Variants in MGAM2 observed in about 807,000 individuals in gnomAD.
MGAM2 encodes the protein maltase-glucoamylase 2 (putative).
Under a neutral mutation model 96.1 loss-of-function variants are expected in MGAM2, and 98 were observed. That is an observed-to-expected ratio of 1.02 (90% CI 0.87 to 1.21). The LOEUF (loss-of-function observed/expected upper bound fraction) is 1.21, where lower values mean the gene tolerates loss of function less well. Ranked by LOEUF, MGAM2 falls within the 50% of genes most tolerant of loss-of-function variation. The pLI is 0.00. For synonymous variants in MGAM2, 749 were observed against 414.8 expected (o/e 1.81, Z -9.79); for missense variants, 2,055 against 1,182.4 (o/e 1.74, Z -10.82).
At chr7:142,116,270 G>A (rs951116001) in intron 1 of MGAM2, among the ~76,000 whole-genome samples, 3 of 152,020 alleles carry the variant, frequency 2.0e-5, no homozygotes, top group Non-Finnish European at 4.4e-5. Flanking sequence ...AATGATCTTC[G>A]GGGTTACTGG....
At chr7:142,195,184 C>T (rs1462972869) in intron 37 of MGAM2, among the ~76,000 whole-genome samples, 2 of 151,892 alleles carry the variant, frequency 1.3e-5, no homozygotes, top group South Asian at 2.1e-4. Context: ...GACACACGTG[C>T]ACCACCCTGC....
chr7:142,211,270 A>G (rs1797575256), intron 46 of MGAM2, among the ~76,000 whole-genome samples: 1 of 152,244 alleles, frequency 6.6e-6, no homozygotes, highest in Non-Finnish European at 1.5e-5. Flanking sequence ...TCCAAAAACC[A>G]GAATGCCCCT....
intron 4 of MGAM2, among the ~76,000 whole-genome samples, 174 bp from the exon 5 acceptor site, chr7:142,131,343 CA>C (rs1475319502): frequency 2.0e-5 from 3 of 152,128 alleles, no homozygotes; most frequent in Non-Finnish European, 2.9e-5. Context: ...GAGGCAGAGG[CA>C]GGAGAATCAT....
chr7:142,168,735 A>G (rs1408930012), intron 26 of MGAM2, among the ~76,000 whole-genome samples: 1 of 151,892 alleles, frequency 6.6e-6, no homozygotes, highest in Non-Finnish European at 1.5e-5. Flanking sequence ...TGTATATTTT[A>G]AAAGGGAAAT....
In MGAM2 at chr7:142,196,266, C is replaced by A. The variant is rs1400308380; in HGVS notation, c.4459C>A (p.Gln1487Lys). The change falls in exon 38 of 48, where the codon CAG (glutamine) becomes AAG (lysine). Residue 1487 changes from glutamine (Q) to lysine (K), a missense_variant. Transcript: ENST00000477922. ...GGGAAACAACACAGCTGCATGGGAC[C>A]AGCTGGGGAAATCTATCATTGGTGT... The part of the protein sequence containing the change: ...RLGNNTAAWD[Q>K]LGKSIIGMME... 1.4e-5 allele frequency: 11 copies of A among 785,130 alleles called. No homozygotes were observed. Among genetic ancestry groups the A allele is most frequent in the Non-Finnish European group, 2.5e-5 (11 of 448,850 alleles). The allele number at this position is 785,130 out of a possible 1,614,324, so 48.6% of individuals were successfully genotyped here. A position where few individuals can be genotyped will look rare whatever the true frequency, so the allele number is the denominator to read the frequency against.
chr7:142,174,883 T>G (rs1294231068), intron 31 of MGAM2, among the ~76,000 whole-genome samples: 1 of 151,900 alleles, frequency 6.6e-6, no homozygotes, highest in Non-Finnish European at 1.5e-5. Context: ...GCTTGGCTAA[T>G]TTTTTAAATA....
Position 142,197,567 on chromosome 7 carries a change from C to T in MGAM2, c.4781+19C>T. 2 of 703,128 alleles carry T rather than the reference C, an allele frequency of 2.8e-6. No individual in the cohort carries two copies. Among genetic ancestry groups the T allele is most frequent in the East Asian group, 5.4e-5 (2 of 37,288 alleles). The allele number at this position is 703,128 out of a possible 1,614,324, so 43.6% of individuals were successfully genotyped here. ...TCCATGAGTGAGTACAGCCTCTTTC[C>T]CCAAGCATGTCTTGCAAATAATCCT... On this transcript the variant is annotated intron_variant, in intron 41 of 47. Transcript: ENST00000477922.
At position 142,136,697 on chromosome 7, in the gene MGAM2, T is replaced by C. The variant is rs886662987; in HGVS notation, c.847+57T>C. 6 of 619,200 alleles carry C rather than the reference T, an allele frequency of 9.7e-6. No homozygotes were observed. In the East Asian group the frequency reaches 1.7e-4, roughly 17 times the overall value. The allele number at this position is 619,200 out of a possible 1,614,324, so 38.4% of individuals were successfully genotyped here. On this transcript the variant is annotated intron_variant, in intron 8 of 47. Transcript: ENST00000477922. ...GGAATACGTTTTAGGATTCTGCTTT[T>C]ATAAAAAATTACTTTTATGGTGAGA...
At chr7:142,146,758 C>T (rs1282625907) in intron 14 of MGAM2, among the ~76,000 whole-genome samples, 3 of 150,654 alleles carry the variant, frequency 2.0e-5, no homozygotes, top group East Asian at 1.9e-4. Context: ...GATGTAGTCT[C>T]GCTCTGTCAC....
intron 1 of MGAM2, among the ~76,000 whole-genome samples, chr7:142,114,189 A>AGAAG (rs1817293765): frequency 1.5e-5 from 2 of 134,862 alleles, no homozygotes; most frequent in Admixed American, 7.6e-5. Flanking sequence ...AAAGAAAGAA[A>AGAAG]GAAAGAAAGA....
intron 31 of MGAM2, among the ~76,000 whole-genome samples, chr7:142,173,897 G>T (rs964406097): frequency 6.6e-6 from 1 of 152,122 alleles, no homozygotes; most frequent in Non-Finnish European, 1.5e-5. Context: ...TCTACATATG[G>T]CTAGCCAGTT....
chr7:142,127,475 C>T (rs750369391), intron 3 of MGAM2, among the ~76,000 whole-genome samples: 1 of 151,882 alleles, frequency 6.6e-6, no homozygotes, highest in East Asian at 1.9e-4. Context: ...AGCTTTAAAT[C>T]TTGTTCTAAA....
At chr7:142,200,333 C>T (rs996161354) in intron 45 of MGAM2, among the ~76,000 whole-genome samples, 1 of 152,154 alleles carries the variant, frequency 6.6e-6, no homozygotes, top group African/African-American at 2.4e-5. Context: ...GATCAGCCAT[C>T]TATACCAGGC....
intron 29 of MGAM2, 147 bp from the exon 30 acceptor site, chr7:142,172,505 C>A: frequency 1.7e-6 from 1 of 572,376 alleles, no homozygotes; most frequent in South Asian, 2.3e-5. Context: ...GCAAATACAC[C>A]TCTGATTCTA....
intron 45 of MGAM2, among the ~76,000 whole-genome samples, chr7:142,201,054 T>C (rs1797208260): frequency 7.0e-6 from 1 of 143,812 alleles, no homozygotes; most frequent in South Asian, 2.2e-4. Flanking sequence ...TTCATTGTTA[T>C]AAATAACATC....
chr7:142,118,243 A>T (rs1817484740), intron 2 of MGAM2, among the ~76,000 whole-genome samples: 1 of 152,128 alleles, frequency 6.6e-6, no homozygotes, highest in Non-Finnish European at 1.5e-5. Context: ...TAAATAATTT[A>T]TGTAAGTGGA....
intron 16 of MGAM2, 63 bp from the exon 17 acceptor site, chr7:142,154,666 A>G: frequency 1.4e-6 from 1 of 691,572 alleles, no homozygotes; most frequent in Non-Finnish European, 2.6e-6. Flanking sequence ...TATCATATAA[A>G]TCTTCACTAC....
intron 29 of MGAM2, among the ~76,000 whole-genome samples, chr7:142,172,409 G>T (rs1796224675): frequency 6.8e-6 from 1 of 146,580 alleles, no homozygotes; most frequent in Non-Finnish European, 1.5e-5. Flanking sequence ...TCCTACTCTG[G>T]CATAGCCTAT....
chr7:142,190,381 C>T (rs1030943969), intron 37 of MGAM2, among the ~76,000 whole-genome samples: 3 of 150,804 alleles, frequency 2.0e-5, no homozygotes, highest in African/African-American at 2.4e-5. Context: ...AGGTGATTCT[C>T]CAGCCTCAGA....
Sources: gnomAD v4.1 joint callset for allele counts (sites outside exome capture counted in the v4.1 genomes callset) on GRCh38, gnomAD v4.1.1 for gene constraint, MANE v1.5 for transcripts, NCBI Gene and HGNC (gene_info 2026-07-23, HGNC 2026-07-21) for gene names.